Variants in EMSY observed in about 807,000 individuals in gnomAD.
EMSY encodes EMSY transcriptional repressor, BRCA2 interacting.
EMSY carries 26 observed loss-of-function variants against 134.6 expected under a neutral mutation model. That is an observed-to-expected ratio of 0.19 (90% CI 0.14 to 0.27). EMSY has a LOEUF of 0.27. Ranked by LOEUF, EMSY falls within the 10% of genes least tolerant of loss-of-function variation. The pLI, the probability that EMSY is intolerant of heterozygous loss-of-function variation, is 1.00. For synonymous variants in EMSY, 579 were observed against 577.8 expected (o/e 1.00, Z -0.03); for missense variants, 1,305 against 1,611.4 (o/e 0.81, Z 3.26).
intron 18 of EMSY, among the ~76,000 whole-genome samples, chr11:76,543,614 C>G (rs1215012746): frequency 1.3e-5 from 2 of 152,218 alleles, no homozygotes; most frequent in Non-Finnish European, 2.9e-5. Context: ...TGCCTTTCTA[C>G]TGACAGGAAT....
At chr11:76,513,782 A>G (rs547753399) in intron 10 of EMSY, among the ~76,000 whole-genome samples, 1 of 151,982 alleles carries the variant, frequency 6.6e-6, no homozygotes, top group Non-Finnish European at 1.5e-5. Context: ...CTAGTTGTAT[A>G]TTGATTTGTT....
At chr11:76,521,589 C>G (rs1353493162) in intron 11 of EMSY, among the ~76,000 whole-genome samples, 1 of 151,642 alleles carries the variant, frequency 6.6e-6, no homozygotes, top group East Asian at 1.9e-4. Flanking sequence ...GTAGTAAGAC[C>G]CCATCTCTAC....
At chr11:76,494,187 G>A (rs1949536661) in intron 8 of EMSY, among the ~76,000 whole-genome samples, 1 of 152,242 alleles carries the variant, frequency 6.6e-6, no homozygotes, top group South Asian at 2.1e-4. Flanking sequence ...TGGGATCCGG[G>A]CCGGTAGCAC....
At chr11:76,460,996 AAG>A (rs1419986570) in intron 6 of EMSY, 1 of 152,302 alleles carries the variant, frequency 6.6e-6, no homozygotes, top group African/African-American at 2.4e-5. Context: ...TCTCAAAAAA[AAG>A]AAAAAAAAAA....
intron 8 of EMSY, among the ~76,000 whole-genome samples, chr11:76,486,996 G>C (rs959269445): frequency 1.3e-5 from 2 of 152,216 alleles, no homozygotes; most frequent in Non-Finnish European, 2.9e-5. Context: ...AGACAGATGA[G>C]GCTGGGTGCA....
At chr11:76,544,869 GA>G (rs746328532) in intron 19 of EMSY, 47 bp downstream of exon 20, 399 of 1,530,842 alleles carry the variant, frequency 2.6e-4, no homozygotes, top group Admixed American at 8.0e-4. Context: ...TCTGTTCACG[GA>G]AAAAAAAATG....
exon 14 of EMSY, chr11:76,528,424 G>A: frequency 6.2e-7 from 1 of 1,611,610 alleles, no homozygotes; most frequent in Non-Finnish European, 8.5e-7. Flanking sequence ...GAATTATACA[G>A]ATAGTAGTTC....
intron 2 of EMSY, among the ~76,000 whole-genome samples, chr11:76,448,928 C>T (rs574946324): frequency 6.6e-6 from 1 of 152,112 alleles, no homozygotes; most frequent in East Asian, 1.9e-4. Context: ...TTTATATATA[C>T]TGAATGTGTC....
intron 19 of EMSY, among the ~76,000 whole-genome samples, chr11:76,545,434 A>G (rs1951607685): frequency 6.6e-6 from 1 of 152,144 alleles, no homozygotes; most frequent in Non-Finnish European, 1.5e-5. Context: ...AAAAGATTGG[A>G]AAAAATCTTC....
At chr11:76,447,688 G>T (rs765391708) in intron 2 of EMSY, among the ~76,000 whole-genome samples, 2 of 152,060 alleles carry the variant, frequency 1.3e-5, no homozygotes, top group African/African-American at 4.8e-5. Flanking sequence ...AACTAACTTC[G>T]CCCTGTGCAT....
At chr11:76,489,138 A>G (rs1261433023) in intron 8 of EMSY, among the ~76,000 whole-genome samples, 1 of 152,254 alleles carries the variant, frequency 6.6e-6, no homozygotes, top group African/African-American at 2.4e-5. Flanking sequence ...CAGGAAAGAC[A>G]ACAGATTCTA....
At chr11:76,490,850 T>C (rs1285213179) in intron 8 of EMSY, among the ~76,000 whole-genome samples, 1 of 151,098 alleles carries the variant, frequency 6.6e-6, no homozygotes, top group Non-Finnish European at 1.5e-5. Context: ...TGTTCATTGC[T>C]AGGGGGTGTG....
At chr11:76,487,607 G>A (rs768562913) in intron 8 of EMSY, among the ~76,000 whole-genome samples, 5 of 152,324 alleles carry the variant, frequency 3.3e-5, no homozygotes, top group East Asian at 3.9e-4. Flanking sequence ...CCTAACAACC[G>A]CAGATCGTCC....
At chr11:76,528,197 G>A in intron 13 of EMSY, 71 bp from the exon 15 acceptor site, 5 of 1,344,048 alleles carry the variant, frequency 3.7e-6, no homozygotes, top group South Asian at 2.5e-5. Flanking sequence ...ATTAGTTTAT[G>A]ACCTAGAAGT....
intron 19 of EMSY, among the ~76,000 whole-genome samples, chr11:76,545,394 G>T (rs1257257934): frequency 1.3e-5 from 2 of 151,990 alleles, no homozygotes; most frequent in Non-Finnish European, 2.9e-5. Flanking sequence ...CATATATATA[G>T]GATATGTTTG....
chr11:76,549,682 T>G (rs2136919452), intron 20 of EMSY, among the ~76,000 whole-genome samples: 1 of 152,304 alleles, frequency 6.6e-6, no homozygotes, highest in East Asian at 1.9e-4. Context: ...ACTGTGTGAC[T>G]TTGGTTAAGT....
At chr11:76,451,418 C>T (rs1170964323) in intron 2 of EMSY, among the ~76,000 whole-genome samples, 3 of 152,084 alleles carry the variant, frequency 2.0e-5, no homozygotes, top group Non-Finnish European at 4.4e-5. Flanking sequence ...ACAGTACTTT[C>T]GATTACACAG....
exon 8 of EMSY, chr11:76,472,688 C>T (rs773705768): frequency 6.2e-7 from 1 of 1,614,178 alleles, no homozygotes; most frequent in South Asian, 1.1e-5. Context: ...ACCCAGAAGC[C>T]ACCAGTTGTT....
chr11:76,493,927 G>A (rs573720062), intron 8 of EMSY, among the ~76,000 whole-genome samples: 8 of 152,292 alleles, frequency 5.3e-5, no homozygotes, highest in African/African-American at 1.9e-4. Flanking sequence ...GCCCTTGGGG[G>A]AGCCCAGACC....
Sources: gnomAD v4.1 joint callset for allele counts (sites outside exome capture counted in the v4.1 genomes callset) on GRCh38, gnomAD v4.1.1 for gene constraint, MANE v1.5 for transcripts, NCBI Gene and HGNC (gene_info 2026-07-23, HGNC 2026-07-21) for gene names.